Variants in RNLS observed in about 807,000 individuals in gnomAD.
The protein encoded by RNLS is renalase.
In RNLS, 39 loss-of-function variants were observed where a neutral mutation model predicts 39.8. The ratio of observed to expected loss-of-function variants is 0.98; its 90% confidence interval spans 0.76 to 1.28. The LOEUF (loss-of-function observed/expected upper bound fraction) is 1.28, where lower values mean the gene tolerates loss of function less well. Among genes scored for constraint, RNLS ranks in the 50% most tolerant of loss-of-function variants. The probability of loss-of-function intolerance (pLI) is 0.00; values close to 1 mark genes in which losing one functional copy is unlikely to be tolerated. For synonymous variants in RNLS, 147 were observed against 150.7 expected (o/e 0.98, Z 0.18); for missense variants, 410 against 413.3 (o/e 0.99, Z 0.07).
intron 4 of RNLS, among the ~76,000 whole-genome samples, chr10:88,365,103 A>G (rs887457923): frequency 3.9e-5 from 6 of 152,128 alleles, no homozygotes; most frequent in East Asian, 1.9e-4. Flanking sequence ...AAGGTAATTG[A>G]TATCTATATA....
At chr10:88,576,329 A>G (rs1850206850) in intron 3 of RNLS, among the ~76,000 whole-genome samples, 1 of 152,210 alleles carries the variant, frequency 6.6e-6, no homozygotes, top group Admixed American at 6.5e-5. Flanking sequence ...TGATCTTCAG[A>G]TAGCTATAAA....
At chr10:88,303,578 T>C (rs149917199) in intron 6 of RNLS, among the ~76,000 whole-genome samples, 141 of 152,304 alleles carry the variant, frequency 9.3e-4, no homozygotes, top group African/African-American at 3.1e-3. Context: ...CTCAGGCCCA[T>C]GGCAACTGTC....
intron 4 of RNLS, among the ~76,000 whole-genome samples, chr10:88,399,169 C>T (rs1204762570): frequency 1.3e-5 from 2 of 151,922 alleles, no homozygotes; most frequent in African/African-American, 4.8e-5. Context: ...TTGGAACCCT[C>T]ATACATTGCC....
the RNLS span, among the ~76,000 whole-genome samples, chr10:88,201,522 G>A: frequency 6.6e-6 from 1 of 152,144 alleles, no homozygotes. Context: ...CAGATAAATT[G>A]TCATGGTGGG....
chr10:88,271,638 T>C (rs77953654), downstream of RNLS, among the ~76,000 whole-genome samples: 580 of 152,296 alleles, frequency 3.8e-3, 4 homozygotes, highest in Middle Eastern at 0.02. Context: ...GGGAGGACTT[T>C]TCAGCTTGTC....
chr10:88,386,235 T>C (rs1287214614), intron 4 of RNLS, among the ~76,000 whole-genome samples: 1 of 152,246 alleles, frequency 6.6e-6, no homozygotes, highest in African/African-American at 2.4e-5. Context: ...GAAAAGCTAC[T>C]GACCAAATAC....
At chr10:88,446,278 C>T (rs551187871) in intron 4 of RNLS, among the ~76,000 whole-genome samples, 1 of 152,180 alleles carries the variant, frequency 6.6e-6, no homozygotes, top group East Asian at 1.9e-4. Flanking sequence ...AGAACAAAGA[C>T]ACAACATACC....
intron 4 of RNLS, among the ~76,000 whole-genome samples, chr10:88,568,345 G>A (rs1014899919): frequency 3.3e-5 from 5 of 151,654 alleles, no homozygotes; most frequent in Non-Finnish European, 5.9e-5. Flanking sequence ...TAGCTAAAGG[G>A]GACAGAATTT....
At chr10:88,218,354 G>T in the RNLS span, among the ~76,000 whole-genome samples, 1 of 152,240 alleles carries the variant, frequency 6.6e-6, no homozygotes, top group African/African-American at 2.4e-5. Context: ...GTCTCGGATG[G>T]TCTGCATCTT....
rs184387879 is a variant in RNLS, at chr10:88,355,652, G to A, written c.700+6900C>T. The stretch of plus-strand genomic sequence containing the variant: ...GGGGTGCCTCCGAGATAGGCTACTC[G>A]GGGGTCAGGGGCCCACTTGAGGAGG... On this transcript the variant is annotated intron_variant, in intron 5 of 6. Coordinates refer to ENST00000331772, the MANE Select transcript of RNLS (RefSeq NM_001031709.3). Among the ~76,000 whole-genome samples the A allele has an allele frequency of 2.9e-3, 440 of 152,208 alleles. 12 individuals are homozygous for A. Among genetic ancestry groups the A allele is most frequent in the Admixed American group, 0.02 (300 of 15,274 alleles).
intron 6 of RNLS, among the ~76,000 whole-genome samples, chr10:88,298,122 T>C (rs142502204): frequency 2.6e-5 from 4 of 152,316 alleles, no homozygotes. Context: ...TATTTCTTCT[T>C]TGGGAAAATG....
chr10:88,365,595 A>G (rs909117033), intron 4 of RNLS, among the ~76,000 whole-genome samples: 6 of 151,760 alleles, frequency 4.0e-5, no homozygotes, highest in Non-Finnish European at 4.4e-5. Context: ...TATATATAAC[A>G]TATCTTACAC....
At chr10:88,364,202 T>C (rs1849863367) in intron 4 of RNLS, among the ~76,000 whole-genome samples, 1 of 152,162 alleles carries the variant, frequency 6.6e-6, no homozygotes, top group African/African-American at 2.4e-5. Context: ...ATGGAACATA[T>C]GAGAAATTCT....
the RNLS span, among the ~76,000 whole-genome samples, chr10:88,248,996 A>C: frequency 6.6e-6 from 1 of 152,164 alleles, no homozygotes; most frequent in Non-Finnish European, 1.5e-5. Context: ...CTAGTGTGCC[A>C]ATCCTGGGCC....
intron 4 of RNLS, among the ~76,000 whole-genome samples, chr10:88,418,991 T>C (rs1190299053): frequency 1.3e-5 from 2 of 152,194 alleles, no homozygotes; most frequent in Non-Finnish European, 2.9e-5. Context: ...TCTCCTGTTC[T>C]CTCTTGCTGA....
chr10:88,403,330 T>C (rs568168272), intron 4 of RNLS, among the ~76,000 whole-genome samples: 43 of 152,146 alleles, frequency 2.8e-4, no homozygotes, highest in Non-Finnish European at 4.1e-4. Context: ...AATATGAACA[T>C]TGGCTGGCTA....
At chr10:88,427,363 A>G (rs1452953249) in intron 4 of RNLS, among the ~76,000 whole-genome samples, 1 of 152,004 alleles carries the variant, frequency 6.6e-6, no homozygotes, top group Admixed American at 6.6e-5. Context: ...GCATTTCAGA[A>G]CAAGAAGAAT....
rs979774131 is a variant in RNLS at position 88,425,533 on chromosome 10, C to A, written c.527-62808G>T. 2.0e-5 allele frequency among the ~76,000 whole-genome samples: 3 copies of A among 152,132 alleles called. No homozygotes were observed. In the South Asian group the frequency reaches 6.2e-4, roughly 32 times the overall value. ...CTGCATTTAGTTTTATATTGCCTGG[C>A]AGTATGTCTAAGGTGGCTTTGAGTA... On this transcript the variant is annotated intron_variant, in intron 4 of 6. Coordinates refer to ENST00000331772, the MANE Select transcript of RNLS (RefSeq NM_001031709.3).
chr10:88,397,377 T>C (rs546786538), intron 4 of RNLS, among the ~76,000 whole-genome samples: 3 of 151,786 alleles, frequency 2.0e-5, no homozygotes, highest in East Asian at 3.9e-4. Context: ...CACACCTAAA[T>C]AGGACAAAGA....
Sources: gnomAD v4.1 joint callset for allele counts (sites outside exome capture counted in the v4.1 genomes callset) on GRCh38, gnomAD v4.1.1 for gene constraint, MANE v1.5 for transcripts, NCBI Gene and HGNC (gene_info 2026-07-23, HGNC 2026-07-21) for gene names.